The following WDR70 variants were observed in gnomAD, a reference collection of about 807,000 sequenced individuals.
The protein encoded by WDR70 is WD repeat-containing protein 70.
In WDR70, 53 loss-of-function variants were observed where a neutral mutation model predicts 88.6. The ratio of observed to expected loss-of-function variants is 0.60; its 90% confidence interval spans 0.48 to 0.75. The LOEUF (loss-of-function observed/expected upper bound fraction) is 0.75, where lower values mean the gene tolerates loss of function less well. Among genes scored for constraint, WDR70 ranks in the 30% least tolerant of loss-of-function variants. The probability of loss-of-function intolerance (pLI) is 0.00; values close to 1 mark genes in which losing one functional copy is unlikely to be tolerated. For synonymous variants in WDR70, 280 were observed against 270.0 expected, an observed-to-expected ratio of 1.04 and a Z score of -0.36; for missense variants, 610 against 823.2, an observed-to-expected ratio of 0.74 and a Z score of 3.17.
intron 17 of WDR70, among the ~76,000 whole-genome samples, chr5:37,732,043 G>A (rs1253797480): frequency 6.6e-6 from 1 of 152,104 alleles, no homozygotes; most frequent in Non-Finnish European, 1.5e-5. Context: ...TTTCATGTCT[G>A]AGATTTAAAG....
intron 9 of WDR70, among the ~76,000 whole-genome samples, chr5:37,564,393 G>C: frequency 6.6e-6 from 1 of 152,314 alleles, no homozygotes; most frequent in East Asian, 1.9e-4. Context: ...CAGGTGTGGC[G>C]GCTTGCGCCT....
intron 9 of WDR70, among the ~76,000 whole-genome samples, chr5:37,549,601 C>G (rs1297533763): frequency 1.3e-5 from 2 of 152,112 alleles, no homozygotes; most frequent in Non-Finnish European, 2.9e-5. Flanking sequence ...AATTTTACTT[C>G]TTTATTTACA....
At chr5:37,696,476 G>T (rs1253463212) in intron 10 of WDR70, among the ~76,000 whole-genome samples, 1 of 152,172 alleles carries the variant, frequency 6.6e-6, no homozygotes, top group African/African-American at 2.4e-5. Context: ...CTTCATAAGG[G>T]TTGCTACAAG....
chr5:37,702,158 C>A (rs778353308), intron 12 of WDR70, among the ~76,000 whole-genome samples: 1 of 152,204 alleles, frequency 6.6e-6, no homozygotes. Flanking sequence ...TATGATAATG[C>A]AGTACTAACT....
At chr5:37,497,506 TCTTCCCTCTTCCCTTCC>T (rs1345378076) in intron 8 of WDR70, among the ~76,000 whole-genome samples, 52 of 67,048 alleles carry the variant, frequency 7.8e-4, no homozygotes, top group Non-Finnish European at 1.6e-3. Context: ...TCTTCCCGTC[TCTTCCCTCTTCCCTTCC>T]CTTCCCTCTT....
At chr5:37,504,185 CCTTT>C (rs557156404) in intron 8 of WDR70, among the ~76,000 whole-genome samples, 23 of 152,068 alleles carry the variant, frequency 1.5e-4, no homozygotes, top group South Asian at 2.1e-4. Context: ...GAAAAACTGA[CCTTT>C]CTTTATTAAA....
chr5:37,744,618 A>G (rs1289570325), intron 17 of WDR70, among the ~76,000 whole-genome samples: 1 of 151,956 alleles, frequency 6.6e-6, no homozygotes, highest in African/African-American at 2.4e-5. Context: ...AAAACACAGC[A>G]CAAGAACTTT....
intron 7 of WDR70, among the ~76,000 whole-genome samples, chr5:37,473,197 AT>A (rs1484792300): frequency 6.8e-6 from 1 of 147,520 alleles, no homozygotes; most frequent in African/African-American, 2.5e-5. Flanking sequence ...TTAAGTATCT[AT>A]CTTTTTACTT....
At chr5:37,510,531 C>T (rs139649076) in intron 8 of WDR70, among the ~76,000 whole-genome samples, 12 of 152,256 alleles carry the variant, frequency 7.9e-5, no homozygotes, top group African/African-American at 2.9e-4. Flanking sequence ...TCCCTGGGCT[C>T]AAGCAATCCT....
intron 7 of WDR70, among the ~76,000 whole-genome samples, chr5:37,449,590 C>CAAAA (rs376148041): frequency 3.6e-4 from 31 of 85,672 alleles, no homozygotes; most frequent in African/African-American, 1.2e-3. Flanking sequence ...AATTTTGTCT[C>CAAAA]AAAAAAAAAA....
chr5:37,707,948 A>AAAT (rs1561083728), intron 13 of WDR70, among the ~76,000 whole-genome samples: 1 of 33,770 alleles, frequency 3.0e-5, no homozygotes, highest in Middle Eastern at 0.042. Context: ...AAAAAAAAAA[A>AAAT]ATATATATAT....
intron 7 of WDR70, among the ~76,000 whole-genome samples, chr5:37,446,340 A>G (rs1379539973): frequency 6.6e-6 from 1 of 152,232 alleles, no homozygotes; most frequent in African/African-American, 2.4e-5. Flanking sequence ...GGAAGAATCA[A>G]TATCGTGAAA....
chr5:37,379,512 C>T lies in WDR70; in HGVS notation c.49C>T (p.Pro17Ser). 2 of 1,614,008 alleles carry T rather than the reference C, an allele frequency of 1.2e-6. No individual in the cohort carries two copies. Among genetic ancestry groups the T allele is most frequent in the Non-Finnish European group, 1.7e-6 (2 of 1,179,878 alleles). The change falls in exon 2 of 18, where the codon CCG (proline) becomes TCG (serine). Residue 17 changes from proline (P) to serine (S), a missense_variant. Physicochemically the swap from Pro to Ser is moderately conservative, Grantham distance 74. Around this residue, in one of 4 missense-constraint regions of WDR70, gnomAD observed 203 missense variants for 228.1 expected, o/e 0.89. Transcript: ENST00000265107. ...AGTGACAGGCTCAGACGCGTCGGGA[C>T]CGGACCCGCAGCTTGCGGTCACCAT... is the stretch of plus-strand genomic sequence containing the variant. ...SEVTGSDASG[P>S]DPQLAVTMGF...
intron 10 of WDR70, among the ~76,000 whole-genome samples, chr5:37,653,981 G>T (rs1363108248): frequency 6.6e-6 from 1 of 151,880 alleles, no homozygotes; most frequent in Non-Finnish European, 1.5e-5. Context: ...CTGGTCTTCT[G>T]GTAGCTTTTG....
At chr5:37,593,639 A>G (rs1014754767) in intron 9 of WDR70, among the ~76,000 whole-genome samples, 1 of 152,348 alleles carries the variant, frequency 6.6e-6, no homozygotes. Flanking sequence ...TAGTAGCAAG[A>G]TTTATAATCC....
chr5:37,410,052 T>A (rs1243783411), intron 5 of WDR70, among the ~76,000 whole-genome samples: 8 of 80,396 alleles, frequency 1.0e-4, no homozygotes, highest in Admixed American at 5.7e-4. Flanking sequence ...TCCACTAGTG[T>A]TTTTTTTTTT....
chr5:37,629,759 T>C (rs1744761501), intron 10 of WDR70, among the ~76,000 whole-genome samples: 1 of 152,214 alleles, frequency 6.6e-6, no homozygotes, highest in Non-Finnish European at 1.5e-5. Flanking sequence ...TTTTGAATTC[T>C]TTTTCTGGCA....
chr5:37,425,333 A>T (rs1750089087), intron 5 of WDR70, among the ~76,000 whole-genome samples: 1 of 152,230 alleles, frequency 6.6e-6, no homozygotes, highest in South Asian at 2.1e-4. Flanking sequence ...GCACGATAAC[A>T]TGGATCAGAA....
At chr5:37,455,307 C>T (rs60568621) in intron 7 of WDR70, among the ~76,000 whole-genome samples, 2,279 of 148,722 alleles carry the variant, frequency 0.015, 49 homozygotes, top group African/African-American at 0.053. Flanking sequence ...TGCAGTAGCA[C>T]GATCTTGGTT....
Sources: gnomAD v4.1 joint callset for allele counts (sites outside exome capture counted in the v4.1 genomes callset) on GRCh38, gnomAD v4.1.1 for gene constraint, gnomAD v4.1.1 regional missense constraint, MANE v1.5 for transcripts, NCBI Gene and HGNC (gene_info 2026-07-23, HGNC 2026-07-21) for gene names.